PDE4D: variants seen among roughly 807,000 people sequenced by gnomAD.
PDE4D encodes 3',5'-cyclic-AMP phosphodiesterase 4D.
In PDE4D, 24 loss-of-function variants were observed where a neutral mutation model predicts 87.4. The observed-to-expected ratio is 0.27, with a 90% CI of 0.20 to 0.39. PDE4D has a LOEUF of 0.39. Among genes scored for constraint, PDE4D ranks in the 10% least tolerant of loss-of-function variants. The pLI, the probability that PDE4D is intolerant of heterozygous loss-of-function variation, is 1.00. For synonymous variants in PDE4D, 384 were observed against 383.2 expected, an observed-to-expected ratio of 1.00 and a Z score of -0.02; for missense variants, 714 against 1,041.0, an observed-to-expected ratio of 0.69 and a Z score of 4.32.
At chr5:59,427,329 ACACACACACG>A (rs1191448267) in intron 1 of PDE4D, among the ~76,000 whole-genome samples, 80 of 150,634 alleles carry the variant, frequency 5.3e-4, no homozygotes, top group African/African-American at 1.9e-3. Flanking sequence ...ACACACACAC[ACACACACACG>A]CCCCTATGCC....
At chr5:60,416,536 G>A (rs1004853671) in intron 1 of PDE4D, among the ~76,000 whole-genome samples, 7 of 152,144 alleles carry the variant, frequency 4.6e-5, no homozygotes, top group Non-Finnish European at 8.8e-5. Flanking sequence ...AACACTCACC[G>A]CGAAGGTCTG....
chr5:60,386,161 A>C (rs1289960074), intron 1 of PDE4D, among the ~76,000 whole-genome samples: 3 of 152,196 alleles, frequency 2.0e-5, no homozygotes, highest in African/African-American at 7.2e-5. Context: ...AGACCAAGGA[A>C]ACTTTGGAAA....
intron 1 of PDE4D, among the ~76,000 whole-genome samples, chr5:59,479,723 G>A (rs115958389): frequency 1.1e-3 from 174 of 152,200 alleles, no homozygotes; most frequent in African/African-American, 3.8e-3. Flanking sequence ...TACATATGCC[G>A]AGTGGTAAAA....
intron 1 of PDE4D, among the ~76,000 whole-genome samples, chr5:59,452,397 T>C (rs1266766748): frequency 6.6e-6 from 1 of 152,150 alleles, no homozygotes; most frequent in Non-Finnish European, 1.5e-5. Context: ...GCACTGGTGA[T>C]GGAAGAGTTG....
At chr5:59,627,422 A>T (rs1831023469) in intron 1 of PDE4D, among the ~76,000 whole-genome samples, 1 of 152,232 alleles carries the variant, frequency 6.6e-6, no homozygotes, top group Admixed American at 6.5e-5. Flanking sequence ...ACTGGAGCAT[A>T]TTCTAAGTTC....
chr5:60,477,113 G>A (rs1053198953), intron 1 of PDE4D, among the ~76,000 whole-genome samples: 10 of 152,142 alleles, frequency 6.6e-5, no homozygotes, highest in Non-Finnish European at 1.2e-4. Flanking sequence ...AGGAAGAAAT[G>A]CAAACCTGGA....
intron 2 of PDE4D, among the ~76,000 whole-genome samples, chr5:60,020,740 G>A (rs558727082): frequency 6.6e-6 from 1 of 152,282 alleles, no homozygotes; most frequent in African/African-American, 2.4e-5. Flanking sequence ...GCCACATGAA[G>A]AGAAGAATCA....
intron 2 of PDE4D, among the ~76,000 whole-genome samples, chr5:60,170,665 A>G (rs939482474): frequency 7.9e-5 from 12 of 152,036 alleles, no homozygotes; most frequent in Admixed American, 1.3e-4. Context: ...AGAGCATTAA[A>G]GTGATCCAGA....
chr5:60,129,433 T>C (rs917420261), intron 2 of PDE4D, among the ~76,000 whole-genome samples: 23 of 152,216 alleles, frequency 1.5e-4, no homozygotes, highest in African/African-American at 5.5e-4. Flanking sequence ...AGAATTTCTC[T>C]GGGTTCTCAA....
chr5:59,515,375 C>A (rs1270534262), intron 1 of PDE4D, among the ~76,000 whole-genome samples: 2 of 152,190 alleles, frequency 1.3e-5, no homozygotes, highest in Non-Finnish European at 2.9e-5. Flanking sequence ...GAACCAAGAT[C>A]TTCCTTTTAA....
chr5:59,175,458 T>C (rs1783665182), intron 5 of PDE4D, among the ~76,000 whole-genome samples: 1 of 148,452 alleles, frequency 6.7e-6, no homozygotes, highest in South Asian at 2.1e-4. Flanking sequence ...CGGAACTCTA[T>C]CCATTTTTCT....
intron 1 of PDE4D, among the ~76,000 whole-genome samples, chr5:60,432,119 G>GAGAGGGA (rs1561250732): frequency 6.6e-6 from 1 of 151,990 alleles, no homozygotes; most frequent in Admixed American, 6.5e-5. Context: ...GAGGGAGAGG[G>GAGAGGGA]GATTAGTTTT....
Position 60,322,057 on chromosome 5 carries a change from T to C in PDE4D, c.-89-136370A>G, listed in dbSNP as rs549069116. Reference sequence around the variant, plus strand: ...AACCCAGCAACCCCATTATTGGGTTTATACCCAAAGGAATATAAATAATTC... The same window carrying C: ...AACCCAGCAACCCCATTATTGGGTTCATACCCAAAGGAATATAAATAATTC... On this transcript the variant is annotated intron_variant, in intron 1 of 16. Coordinates refer to the PDE4D transcript ENST00000502484. 1.2e-4 allele frequency among the ~76,000 whole-genome samples: 19 copies of C among 152,188 alleles called. No homozygotes were observed. In the South Asian group the frequency reaches 3.7e-3, roughly 30 times the overall value.
At chr5:59,627,906 C>A (rs571010986) in intron 1 of PDE4D, among the ~76,000 whole-genome samples, 27 of 152,238 alleles carry the variant, frequency 1.8e-4, no homozygotes, top group African/African-American at 6.5e-4. Flanking sequence ...ACTCCTTGTA[C>A]CTGCACCCAT....
intron 5 of PDE4D, among the ~76,000 whole-genome samples, chr5:59,112,128 A>G (rs1203066031): frequency 6.6e-6 from 1 of 152,178 alleles, no homozygotes; most frequent in Non-Finnish European, 1.5e-5. Context: ...AAACACAAGC[A>G]AAGACTTAAA....
chr5:59,405,670 G>T (rs1791482159), intron 1 of PDE4D, among the ~76,000 whole-genome samples: 1 of 152,070 alleles, frequency 6.6e-6, no homozygotes, highest in South Asian at 2.1e-4. Context: ...ACTAGCTGTG[G>T]GTCTGTCATA....
At chr5:59,337,132 G>A (rs1412703534) in intron 1 of PDE4D, among the ~76,000 whole-genome samples, 1 of 152,130 alleles carries the variant, frequency 6.6e-6, no homozygotes, top group Non-Finnish European at 1.5e-5. Context: ...GATGAAGGAA[G>A]AAGACAGGAA....
chr5:59,081,785 A>C (rs1394872383), intron 5 of PDE4D, among the ~76,000 whole-genome samples: 2 of 152,162 alleles, frequency 1.3e-5, no homozygotes, highest in African/African-American at 4.8e-5. Context: ...CTGCCACTTA[A>C]CAATGTCCTT....
chr5:59,748,015 A>T (rs1759880299), intron 1 of PDE4D, among the ~76,000 whole-genome samples: 1 of 151,958 alleles, frequency 6.6e-6, no homozygotes, highest in Admixed American at 6.6e-5. Flanking sequence ...TTACAACAAA[A>T]CTCCAAGAGT....
Sources: gnomAD v4.1 joint callset for allele counts (sites outside exome capture counted in the v4.1 genomes callset) on GRCh38, gnomAD v4.1.1 for gene constraint, MANE v1.5 for transcripts, NCBI Gene and HGNC (gene_info 2026-07-23, HGNC 2026-07-21) for gene names.